Variants in GALNT1 observed in about 807,000 individuals in gnomAD.
GALNT1 encodes the protein polypeptide N-acetylgalactosaminyltransferase 1.
Under a neutral mutation model 65.7 loss-of-function variants are expected in GALNT1, and 17 were observed. The ratio of observed to expected loss-of-function variants is 0.26; its 90% confidence interval spans 0.18 to 0.39. The LOEUF is 0.39. Among genes scored for constraint, GALNT1 ranks in the 10% least tolerant of loss-of-function variants. The pLI is 1.00. For synonymous variants in GALNT1, 210 were observed against 219.7 expected (o/e 0.96, Z 0.39); for missense variants, 460 against 672.8 (o/e 0.68, Z 3.50).
chr18:35,677,712 C>G lies in GALNT1; in HGVS notation c.436C>G (p.His146Asp), dbSNP rs1417540136. Residue 146 changes from histidine (H) to aspartate (D), a missense_variant, in exon 4 of 12, where the codon CAC becomes GAC. His to Asp is a moderately conservative substitution (Grantham distance 81). Transcript: ENST00000269195. ...VHSVINRSPR[H>D]MIEEIVLVDD... ...TAGTGTCATTAATCGCTCACCAAGACACATGATAGAAGAAATTGTTCTAGT... is the reference window on the plus strand; with the variant it reads ...TAGTGTCATTAATCGCTCACCAAGAGACATGATAGAAGAAATTGTTCTAGT... 1.2e-6 allele frequency: 2 copies of G among 1,611,716 alleles called. No homozygotes were observed. Among genetic ancestry groups the G allele is most frequent in the Non-Finnish European group, 1.7e-6 (2 of 1,178,524 alleles).
chr18:35,610,586 CTG>C, intron 1 of GALNT1, among the ~76,000 whole-genome samples: 1 of 152,198 alleles, frequency 6.6e-6, no homozygotes, highest in South Asian at 2.1e-4. Flanking sequence ...GAATTTTCTT[CTG>C]TGAGTTAATT....
chr18:35,669,230 G>C (rs199591186), intron 3 of GALNT1, among the ~76,000 whole-genome samples: 41 of 2,406 alleles, frequency 0.017, no homozygotes, highest in South Asian at 0.033. Flanking sequence ...AACAGAGAGA[G>C]ACCATCTCGA....
At chr18:35,621,269 T>C (rs543858149) in intron 1 of GALNT1, among the ~76,000 whole-genome samples, 1 of 124,714 alleles carries the variant, frequency 8.0e-6, no homozygotes, top group South Asian at 2.4e-4. Context: ...ACCTCAGGCT[T>C]CCAGGCCCAA....
chr18:35,689,838 G>A (rs2047928911), intron 7 of GALNT1, among the ~76,000 whole-genome samples: 1 of 152,150 alleles, frequency 6.6e-6, no homozygotes, highest in African/African-American at 2.4e-5. Context: ...TCGTTTAAAT[G>A]GCATTGCATA....
intron 11 of GALNT1, among the ~76,000 whole-genome samples, chr18:35,707,521 T>C (rs1009112222): frequency 3.3e-5 from 5 of 152,150 alleles, no homozygotes; most frequent in Non-Finnish European, 7.4e-5. Context: ...TCCACCAGAG[T>C]CTAGGCTTCC....
At chr18:35,615,527 A>C (rs1021001599) in intron 1 of GALNT1, among the ~76,000 whole-genome samples, 1 of 152,208 alleles carries the variant, frequency 6.6e-6, no homozygotes, top group Admixed American at 6.6e-5. Flanking sequence ...CAAAAGCACA[A>C]TTGTTGAAGG....
intron 1 of GALNT1, among the ~76,000 whole-genome samples, chr18:35,625,362 G>A (rs1464238409): frequency 2.0e-5 from 3 of 152,006 alleles, no homozygotes; most frequent in Non-Finnish European, 2.9e-5. Context: ...GGTCAGAAAA[G>A]TAGGAGAACA....
At chr18:35,656,985 G>A (rs895373818) in intron 2 of GALNT1, among the ~76,000 whole-genome samples, 2 of 152,190 alleles carry the variant, frequency 1.3e-5, no homozygotes, top group Admixed American at 1.3e-4. Flanking sequence ...GTCTAAGGTG[G>A]CTTTCATGTC....
At chr18:35,597,764 A>G (rs1354596097) in intron 1 of GALNT1, among the ~76,000 whole-genome samples, 1 of 152,204 alleles carries the variant, frequency 6.6e-6, no homozygotes, top group African/African-American at 2.4e-5. Context: ...TTTTAAAATA[A>G]TAGTCAAATT....
chr18:35,609,536 CTGCTATGCATGATAGTT>C (rs2046691053), intron 1 of GALNT1, among the ~76,000 whole-genome samples: 1 of 152,160 alleles, frequency 6.6e-6, no homozygotes, highest in Non-Finnish European at 1.5e-5. Flanking sequence ...ATTGAAAGCA[CTGCTATGCATGATAGTT>C]TACTTAGATT....
chr18:35,670,599 G>T (rs977041980), intron 3 of GALNT1, among the ~76,000 whole-genome samples: 3 of 152,204 alleles, frequency 2.0e-5, no homozygotes, highest in Non-Finnish European at 2.9e-5. Flanking sequence ...GTTTGATGCA[G>T]TGCCAATCAT....
intron 9 of GALNT1, among the ~76,000 whole-genome samples, chr18:35,700,598 G>A (rs1405649501): frequency 6.6e-6 from 1 of 152,188 alleles, no homozygotes; most frequent in Non-Finnish European, 1.5e-5. Context: ...GATCTCGCAT[G>A]TCAGGAATTA....
chr18:35,658,833 C>T (rs1028343502), intron 2 of GALNT1, among the ~76,000 whole-genome samples: 35 of 152,048 alleles, frequency 2.3e-4, no homozygotes, highest in African/African-American at 8.0e-4. Flanking sequence ...TCCCAGCCTC[C>T]CGAGTTGCTG....
chr18:35,695,903 G>C (rs1041246580), intron 9 of GALNT1, among the ~76,000 whole-genome samples: 2 of 152,096 alleles, frequency 1.3e-5, no homozygotes, highest in African/African-American at 4.8e-5. Flanking sequence ...TTTTGTTTTT[G>C]TTTTGTTTTT....
chr18:35,593,088 G>A (rs1303230958), intron 1 of GALNT1, among the ~76,000 whole-genome samples: 4 of 152,174 alleles, frequency 2.6e-5, no homozygotes, highest in Non-Finnish European at 5.9e-5. Flanking sequence ...GGAGAAGGAG[G>A]ATGCTGCATG....
chr18:35,634,950 A>G (rs1895318607), intron 1 of GALNT1, among the ~76,000 whole-genome samples: 1 of 152,142 alleles, frequency 6.6e-6, no homozygotes, highest in Non-Finnish European at 1.5e-5. Context: ...TGTGATTATT[A>G]TCATTCAGCT....
chr18:35,613,875 G>GA (rs139407350), intron 1 of GALNT1, among the ~76,000 whole-genome samples: 31,786 of 150,818 alleles, frequency 0.21, 3,597 homozygotes, highest in African/African-American at 0.29. Context: ...TAATGGTGGG[G>GA]GAAAAAAAAA....
intron 1 of GALNT1, among the ~76,000 whole-genome samples, chr18:35,612,820 G>A (rs935174076): frequency 5.3e-5 from 8 of 151,434 alleles, no homozygotes; most frequent in South Asian, 2.1e-4. Flanking sequence ...AGCTAATATC[G>A]CACCATTGCA....
At chr18:35,630,610 C>T (rs1278443777) in intron 1 of GALNT1, among the ~76,000 whole-genome samples, 3 of 151,976 alleles carry the variant, frequency 2.0e-5, no homozygotes, top group Admixed American at 2.0e-4. Flanking sequence ...AGGAAAGATC[C>T]AAAATTGACA....
Sources: gnomAD v4.1 joint callset for allele counts (sites outside exome capture counted in the v4.1 genomes callset) on GRCh38, gnomAD v4.1.1 for gene constraint, MANE v1.5 for transcripts, NCBI Gene and HGNC (gene_info 2026-07-23, HGNC 2026-07-21) for gene names.